The following PKN3 variants were observed in gnomAD, a reference collection of about 807,000 sequenced individuals.
The protein encoded by PKN3 is protein kinase N3.
PKN3 carries 91 observed loss-of-function variants against 113.1 expected under a neutral mutation model. The observed-to-expected ratio is 0.80, with a 90% confidence interval of 0.68 to 0.96. The LOEUF (loss-of-function observed/expected upper bound fraction) is 0.96. Ranked by LOEUF, PKN3 falls within the 40% of genes least tolerant of loss-of-function variation. The pLI is 0.00. For missense variants in PKN3, 1,052 were observed against 1,202.2 expected, an observed-to-expected ratio of 0.88 and a Z score of 1.85; for synonymous variants, 467 against 499.0, an observed-to-expected ratio of 0.94 and a Z score of 0.85.
intron 18 of PKN3, among the ~76,000 whole-genome samples, 154 bp from the exon 19 acceptor site, chr9:128,719,532 A>C (rs953093599): frequency 1.3e-5 from 2 of 152,148 alleles, no homozygotes; most frequent in African/African-American, 4.8e-5. Flanking sequence ...TTGGCTCTGC[A>C]TGCAGTCAAA....
At chr9:128,703,392 T>G (rs2132276496) in intron 1 of PKN3, 2 of 985,242 alleles carry the variant, frequency 2.0e-6, no homozygotes, top group East Asian at 1.1e-4. Context: ...CAGGAGTCCT[T>G]CCCGGAGCAC....
intron 1 of PKN3, among the ~76,000 whole-genome samples, chr9:128,704,677 T>C (rs1301642837): frequency 3.9e-5 from 6 of 152,034 alleles, no homozygotes; most frequent in African/African-American, 1.4e-4. Context: ...CCCAGCACTT[T>C]GGGAGGCCAA....
chr9:128,716,939 C>G lies in PKN3; in HGVS notation c.1985+16C>G. ...CCCAGGCCCGGTGGGTTCCATCCCT[C>G]CTGCCTGCCTCTTCCAGCAAACTTT... On this transcript the variant is annotated intron_variant, in intron 16 of 21. Transcript: ENST00000291906. 6.2e-7 allele frequency: 1 copy of G among 1,610,598 alleles called. No homozygotes were observed. The highest frequency in any genetic ancestry group is 8.5e-7 in the Non-Finnish European group (1 of 1,177,364).
chr9:128,703,061 C>G (rs1009409438), intron 1 of PKN3, 122 bp downstream of exon 1: 4 of 698,058 alleles, frequency 5.7e-6, no homozygotes, highest in African/African-American at 1.9e-5. Flanking sequence ...CCTTCCCTGC[C>G]CCTGCCCTGG....
At chr9:128,708,389 A>G (rs1346693010) in intron 6 of PKN3, among the ~76,000 whole-genome samples, 1 of 151,998 alleles carries the variant, frequency 6.6e-6, no homozygotes, top group African/African-American at 2.4e-5. Flanking sequence ...TCAAAAAATA[A>G]TAATAATAAT....
intron 16 of PKN3, among the ~76,000 whole-genome samples, 190 bp downstream of exon 16, chr9:128,717,113 G>GTTTTTTTTTT (rs1554781180): frequency 1.3e-3 from 19 of 14,440 alleles, no homozygotes; most frequent in African/African-American, 3.1e-3. Context: ...TGTGCATTAG[G>GTTTTTTTTTT]TTTCTTTTTT....
At position 128,714,067 on chromosome 9, in the gene PKN3, A is replaced by G. The variant is rs751000614; in HGVS notation, c.1258A>G (p.Ile420Val). The G allele has an allele frequency of 3.7e-6, 6 of 1,614,092 alleles. No homozygotes were observed. The East Asian group carries it at 1.3e-4, about 36-fold the overall frequency. ...GCAGGTGACCTTCTGCGATCCTGTC[A>G]TTGAGAGGCGGCCCCGGCTGCAGAG... ...FAQVTFCDPV[I>V]ERRPRLQRQE... The change falls in exon 10 of 22, where the codon ATT (isoleucine) becomes GTT (valine). Residue 420 changes from isoleucine (I) to valine (V), a missense_variant. Physicochemically the swap from Ile to Val is conservative, Grantham distance 29. Around this residue, in one of 2 missense-constraint regions of PKN3, gnomAD observed 719 missense variants for 759.4 expected, o/e 0.95. Coordinates refer to ENST00000291906, the MANE Select transcript of PKN3 (RefSeq NM_013355.5).
intron 6 of PKN3, chr9:128,710,031 T>C (rs1407518097): frequency 6.8e-6 from 1 of 147,810 alleles, no homozygotes; most frequent in Non-Finnish European, 1.5e-5. Context: ...ATTCATGCCA[T>C]TCTCCTGTCT....
chr9:128,703,393 C>T (rs1346947953), intron 1 of PKN3: 5 of 985,416 alleles, frequency 5.1e-6, no homozygotes, highest in East Asian at 1.1e-4. Flanking sequence ...AGGAGTCCTT[C>T]CCGGAGCACA....
intron 16 of PKN3, among the ~76,000 whole-genome samples, chr9:128,717,273 C>G (rs578139251): frequency 1.3e-5 from 2 of 150,676 alleles, no homozygotes; most frequent in South Asian, 4.3e-4. Flanking sequence ...GGATTACAGG[C>G]ATGCACCACC....
chr9:128,703,212 C>A (rs1387350392), intron 1 of PKN3, among the ~76,000 whole-genome samples: 2 of 152,230 alleles, frequency 1.3e-5, no homozygotes, highest in South Asian at 4.1e-4. Flanking sequence ...CGGCTGAGTC[C>A]GCAGTGTGCG....
chr9:128,704,098 A>C (rs1861938273), intron 1 of PKN3: 1 of 985,200 alleles, frequency 1.0e-6, no homozygotes, highest in Non-Finnish European at 1.2e-6. Context: ...GGCCCCTTCC[A>C]CTGGGCTCAG....
Position 128,705,367 on chromosome 9 carries a change from A to T in PKN3, c.89A>T (p.Glu30Val). The T allele has an allele frequency of 6.3e-7, 1 of 1,594,662 alleles. No homozygotes were observed. The highest frequency in any genetic ancestry group is 8.5e-7 in the Non-Finnish European group (1 of 1,171,410). The change falls in exon 2 of 22, where the codon GAG becomes GTG. Residue 30 changes from glutamate (E) to valine (V), a missense_variant. Glu to Val is a moderately radical substitution (Grantham distance 121, BLOSUM62 -2). Coordinates refer to ENST00000291906, the MANE Select transcript of PKN3 (RefSeq NM_013355.5). The stretch of plus-strand genomic sequence containing the variant: ...GTGATCCGCCGGGCCATCCAGAAAG[A>T]GCTGAAGATCAAGGAGGGGGTGGAG... ...KEVIRRAIQK[E>V]LKIKEGVENL...
At position 128,720,008 on chromosome 9, in the gene PKN3, C is replaced by T; in HGVS notation, c.2367C>T (p.Phe789=). 1.2e-6 allele frequency: 2 copies of T among 1,613,542 alleles called. No individual in the cohort carries two copies. Among genetic ancestry groups the T allele is most frequent in the Non-Finnish European group, 1.7e-6 (2 of 1,179,524 alleles). The stretch of plus-strand genomic sequence containing the variant: ...TTCTGTCGGTGCAAGGGCTTGAGTT[C>T]ATTCAGAAGGTAAGCACTGCGGGGT... The part of the protein sequence containing the change: ...PGFLSVQGLE[F]IQKLLQKCPE... The change falls in exon 20 of 22, where the codon TTC becomes TTT. Residue 789 remains phenylalanine (F), a synonymous_variant. Transcript: ENST00000291906. This position sits in a 1 kb window ranked among gnomAD's most constrained non-coding sequence, Gnocchi z 5.5.
At chr9:128,713,904 A>G (rs554314459) in intron 9 of PKN3, 142 bp from the exon 10 acceptor site, 135 of 865,160 alleles carry the variant, frequency 1.6e-4, no homozygotes, top group Non-Finnish European at 2.3e-4. Context: ...CAATGAGGAC[A>G]TTGAATCTGT....
rs539187537 is a variant in PKN3 at position 128,703,390 on chromosome 9, C to T, written c.24+451C>T. ...TGCGCGCTTGGCAGTGGCAGGAGTC[C>T]TTCCCGGAGCACAGGAGGCACGAGG... On this transcript the variant is annotated intron_variant, in intron 1 of 21. Coordinates refer to ENST00000291906, the MANE Select transcript of PKN3 (RefSeq NM_013355.5). 340 of 985,410 alleles carry T rather than the reference C, an allele frequency of 3.5e-4. No homozygotes were observed. In the African/African-American group the frequency reaches 4.4e-3, roughly 13 times the overall value. The allele number at this position is 985,410 out of a possible 1,614,324, so 61.0% of individuals were successfully genotyped here.
chr9:128,703,568 C>CTCCTGAGGAGGGAGAGGTGGTG, intron 1 of PKN3: 1 of 985,414 alleles, frequency 1.0e-6, no homozygotes, highest in Non-Finnish European at 1.2e-6. Flanking sequence ...TGTCTATCTG[C>CTCCTGAGGAGGGAGAGGTGGTG]TCCTGAGGAG....
At chr9:128,716,626 A>G (rs944384828) in intron 15 of PKN3, 121 bp from the exon 16 acceptor site, 9 of 714,776 alleles carry the variant, frequency 1.3e-5, no homozygotes, top group Non-Finnish European at 2.2e-5. Flanking sequence ...AAAAGAAACC[A>G]TCAGTCTACT....
At chr9:128,718,412 G>GGGGGTA (rs1564377930) in intron 17 of PKN3, 25 bp downstream of exon 17, 2 of 1,595,568 alleles carry the variant, frequency 1.3e-6, no homozygotes, top group East Asian at 2.2e-5. Flanking sequence ...AGGGATGCAC[G>GGGGGTA]GGGGTAGGGG....
Sources: allele counts gnomAD v4.1 joint callset (sites outside exome capture counted in the v4.1 genomes callset), GRCh38; gene constraint gnomAD v4.1.1; regional missense constraint gnomAD v4.1.1; non-coding constraint Gnocchi (gnomAD v3.1); transcripts MANE v1.5; gene names NCBI Gene and HGNC (gene_info 2026-07-23, HGNC 2026-07-21).